Variants in MAPDA observed in about 807,000 individuals in gnomAD.
The protein encoded by MAPDA is N6-Methyl-AMP deaminase, also known as N6,N6-dimethyl-AMP deaminase.
At chr15:43,345,439 CAA>C in the MAPDA span, among the ~76,000 whole-genome samples, 1 of 150,884 alleles carries the variant, frequency 6.6e-6, no homozygotes, top group African/African-American at 2.4e-5. Flanking sequence ...CTTTGTAGGA[CAA>C]ACAACTTGGT....
the MAPDA span, among the ~76,000 whole-genome samples, chr15:43,346,780 T>C: frequency 7.9e-5 from 12 of 152,352 alleles, no homozygotes; most frequent in South Asian, 2.5e-3. Flanking sequence ...GCTTAGCTGA[T>C]TGACCTCAGT....
the MAPDA span, chr15:43,333,176 C>G: frequency 6.6e-6 from 1 of 152,200 alleles, no homozygotes; most frequent in African/African-American, 2.4e-5. Flanking sequence ...AATCCCAGCT[C>G]AGGCTGGTGG....
the MAPDA span, chr15:43,335,850 A>C: frequency 9.4e-6 from 15 of 1,593,412 alleles, no homozygotes; most frequent in Middle Eastern, 1.7e-4. Context: ...GGTTGTGGAC[A>C]TACTCCTTTT....
chr15:43,350,252 AT>A, the MAPDA span, among the ~76,000 whole-genome samples: 1 of 107,718 alleles, frequency 9.3e-6, no homozygotes, highest in Non-Finnish European at 2.0e-5. Flanking sequence ...TTTTTTTTGT[AT>A]TTTTTTAGTA....
At chr15:43,350,142 T>G in the MAPDA span, among the ~76,000 whole-genome samples, 1 of 151,684 alleles carries the variant, frequency 6.6e-6, no homozygotes, top group East Asian at 2.0e-4. Context: ...GATAGCTCAC[T>G]GCAAGCTCCA....
At chr15:43,351,364 C>T in the MAPDA span, 2 of 330,084 alleles carry the variant, frequency 6.1e-6, no homozygotes, top group South Asian at 5.1e-5. Context: ...ACATGAGAGG[C>T]TACAGAGGGC....
the MAPDA span, among the ~76,000 whole-genome samples, chr15:43,344,806 C>CAA: frequency 0.02 from 1,787 of 90,852 alleles, 47 homozygotes; most frequent in African/African-American, 0.054. Flanking sequence ...AATTCTGTCT[C>CAA]AAAAAAAAAA....
At chr15:43,346,524 A>G in the MAPDA span, among the ~76,000 whole-genome samples, 35 of 152,258 alleles carry the variant, frequency 2.3e-4, no homozygotes, top group Non-Finnish European at 4.4e-5. Flanking sequence ...GTCTCCAGAC[A>G]TTGCCAAGTG....
the MAPDA span, chr15:43,331,827 C>G: frequency 6.6e-6 from 1 of 151,878 alleles, no homozygotes; most frequent in Non-Finnish European, 1.5e-5. Flanking sequence ...GAGCTTAACT[C>G]AGAAGGAAAA....
the MAPDA span, chr15:43,347,100 A>G: frequency 1.2e-6 from 2 of 1,609,612 alleles, no homozygotes; most frequent in Non-Finnish European, 1.7e-6. Flanking sequence ...TTCAGAGGTA[A>G]ATAATATTGT....
the MAPDA span, chr15:43,349,235 A>G: frequency 1.5e-6 from 2 of 1,378,556 alleles, no homozygotes; most frequent in Non-Finnish European, 1.9e-6. Flanking sequence ...TATAAGCTCT[A>G]TGAGAGCAGG....
At chr15:43,331,453 A>G in the MAPDA span, among the ~76,000 whole-genome samples, 1 of 152,216 alleles carries the variant, frequency 6.6e-6, no homozygotes, top group South Asian at 2.1e-4. Context: ...GTTCACTGGG[A>G]TTTGGTGACT....
chr15:43,353,562 G>C, the MAPDA span: 1 of 152,104 alleles, frequency 6.6e-6, no homozygotes, highest in Non-Finnish European at 1.5e-5. Flanking sequence ...ACTGCTGGCT[G>C]GCAGCCCCTA....
chr15:43,342,085 C>T, the MAPDA span, among the ~76,000 whole-genome samples: 389 of 152,130 alleles, frequency 2.6e-3, 1 homozygote, highest in Non-Finnish European at 3.8e-3. Flanking sequence ...GTGATCGGCC[C>T]GCCTCGGCCT....
the MAPDA span, among the ~76,000 whole-genome samples, chr15:43,332,621 A>T: frequency 2.6e-5 from 4 of 152,210 alleles, no homozygotes; most frequent in African/African-American, 7.2e-5. Flanking sequence ...GTTTATTCTT[A>T]TATAAAATGG....
chr15:43,342,903 GA>G, the MAPDA span: 1 of 964,104 alleles, frequency 1.0e-6, no homozygotes, highest in Non-Finnish European at 1.6e-6. Flanking sequence ...AGCATAAAGT[GA>G]AAATGTAATT....
chr15:43,348,630 T>TTAA, the MAPDA span, among the ~76,000 whole-genome samples: 6 of 152,226 alleles, frequency 3.9e-5, no homozygotes, highest in Non-Finnish European at 7.3e-5. Context: ...CTTAATACTT[T>TTAA]TTAAGATTCT....
the MAPDA span, chr15:43,347,022 C>T: frequency 6.2e-7 from 1 of 1,613,540 alleles, no homozygotes; most frequent in Non-Finnish European, 8.5e-7. Context: ...TAAGGTAGGA[C>T]AAGCAAAAGA....
the MAPDA span, chr15:43,353,828 C>T: frequency 6.6e-6 from 1 of 152,310 alleles, no homozygotes; most frequent in African/African-American, 2.4e-5. Context: ...TCCCTTCCCA[C>T]ATGCCTTGCT....
Sources: allele counts gnomAD v4.1 joint callset (sites outside exome capture counted in the v4.1 genomes callset), GRCh38; gene constraint gnomAD v4.1.1; transcripts MANE v1.5; gene names NCBI Gene and HGNC (gene_info 2026-07-23, HGNC 2026-07-21).